Variants in DNAH9 observed in about 807,000 individuals in gnomAD.
DNAH9 encodes DNAH9 variant protein.
In DNAH9, 345 loss-of-function variants were observed where a neutral mutation model predicts 471.6. The observed-to-expected ratio is 0.73, with a 90% confidence interval of 0.67 to 0.80. The LOEUF (loss-of-function observed/expected upper bound fraction) is 0.80, where lower values mean the gene tolerates loss of function less well. Among genes scored for constraint, DNAH9 ranks in the 30% least tolerant of loss-of-function variants. The probability of loss-of-function intolerance (pLI) is 0.00; values close to 1 mark genes in which losing one functional copy is unlikely to be tolerated. For synonymous variants in DNAH9, 2,093 were observed against 2,123.6 expected, an observed-to-expected ratio of 0.99 and a Z score of 0.40; for missense variants, 5,407 against 5,609.2, an observed-to-expected ratio of 0.96 and a Z score of 1.15.
In DNAH9 at chr17:11,738,871, G is replaced by A. The variant is rs2075392679; in HGVS notation, c.5815-9G>A. 2 of 1,613,424 alleles carry A rather than the reference G, an allele frequency of 1.2e-6. No homozygotes were observed. Among genetic ancestry groups the A allele is most frequent in the East Asian group, 4.5e-5 (2 of 44,862 alleles). ...TGAGGAATTTCTCGCTGATTGATTG[G>A]TTCACCAGGTAAAAAGCATTCAAGA... On this transcript the variant is annotated splice_polypyrimidine_tract_variant and intron_variant, in intron 28 of 68. Coordinates refer to ENST00000262442, the MANE Select transcript of DNAH9 (RefSeq NM_001372.4).
intron 20 of DNAH9, among the ~76,000 whole-genome samples, chr17:11,692,582 G>A (rs2150756106): frequency 6.6e-6 from 1 of 152,266 alleles, no homozygotes; most frequent in East Asian, 1.9e-4. Context: ...TACGAATCAA[G>A]TGTTGTATAC....
At chr17:11,607,850 A>G (rs1189640692) in intron 1 of DNAH9, among the ~76,000 whole-genome samples, 1 of 152,160 alleles carries the variant, frequency 6.6e-6, no homozygotes. Context: ...GATTACAGGC[A>G]TGAACCACCG....
chr17:11,902,228 T>G (rs1597806248), intron 59 of DNAH9, among the ~76,000 whole-genome samples: 2 of 152,230 alleles, frequency 1.3e-5, no homozygotes, highest in East Asian at 3.9e-4. Flanking sequence ...ACATTTGGAC[T>G]GAATCCTCAT....
At chr17:11,653,315 T>C (rs532008714) in intron 14 of DNAH9, among the ~76,000 whole-genome samples, 1 of 152,322 alleles carries the variant, frequency 6.6e-6, no homozygotes, top group African/African-American at 2.4e-5. Flanking sequence ...AATTATCCAC[T>C]GCAGTAACCA....
At chr17:11,945,012 A>G (rs1975060997) in intron 67 of DNAH9, among the ~76,000 whole-genome samples, 1 of 152,202 alleles carries the variant, frequency 6.6e-6, no homozygotes, top group South Asian at 2.1e-4. Flanking sequence ...AAAAGAGGCA[A>G]AACAGGTGAC....
At chr17:11,946,973 T>C (rs1014579043) in intron 67 of DNAH9, among the ~76,000 whole-genome samples, 3 of 152,202 alleles carry the variant, frequency 2.0e-5, no homozygotes, top group Non-Finnish European at 4.4e-5. Flanking sequence ...CCATACTTCA[T>C]ATTTGGCTGG....
intron 49 of DNAH9, among the ~76,000 whole-genome samples, chr17:11,851,870 TGTAC>T (rs1170986461): frequency 6.6e-6 from 1 of 152,216 alleles, no homozygotes; most frequent in Admixed American, 6.5e-5. Flanking sequence ...GAGGAGTTAC[TGTAC>T]GTGGAAACAT....
chr17:11,807,415 C>T (rs914975859), intron 43 of DNAH9, among the ~76,000 whole-genome samples: 12 of 152,102 alleles, frequency 7.9e-5, no homozygotes, highest in African/African-American at 2.7e-4. Flanking sequence ...AGTTATGGTG[C>T]GGAGAAGAGC....
At position 11,704,431 on chromosome 17, in the gene DNAH9, A is replaced by T. The variant is rs746709268; in HGVS notation, c.5380A>T (p.Ile1794Phe). Reference sequence around the variant, plus strand: ...TGCCCGGGATGTGGTAGCCAAGATGATTGCTCAGAAGGTGGGTCCCAAACA... The same window carrying T: ...TGCCCGGGATGTGGTAGCCAAGATGTTTGCTCAGAAGGTGGGTCCCAAACA... ...VHARDVVAKM[I>F]AQKVDNAQAF... is the part of the protein sequence containing the mutation. Residue 1794 changes from isoleucine to phenylalanine, a missense_variant, in exon 25 of 69, where the codon ATT (isoleucine) becomes TTT (phenylalanine). By Grantham distance (21) the Ile-to-Phe change is conservative. Coordinates refer to ENST00000262442, the MANE Select transcript of DNAH9 (RefSeq NM_001372.4). The T allele has an allele frequency of 1.5e-5, 25 of 1,613,030 alleles. No homozygotes were observed. Among genetic ancestry groups the T allele is most frequent in the South Asian group, 3.3e-5 (3 of 91,022 alleles).
chr17:11,890,833 G>A (rs557444177), intron 57 of DNAH9, among the ~76,000 whole-genome samples: 1 of 152,190 alleles, frequency 6.6e-6, no homozygotes, highest in African/African-American at 2.4e-5. Flanking sequence ...AGAACTACAG[G>A]TGTGTGTCAC....
At chr17:11,706,488 C>T (rs1191820955) in intron 26 of DNAH9, among the ~76,000 whole-genome samples, 2 of 151,908 alleles carry the variant, frequency 1.3e-5, no homozygotes, top group African/African-American at 2.4e-5. Flanking sequence ...AAGTACAAGG[C>T]CATAGTATAA....
In DNAH9 at chr17:11,854,113, G is replaced by T. The variant is rs149615491; in HGVS notation, c.9618G>T (p.Arg3206=). ...CCAGGGGTAGGGTGCCCAAGGACCG[G>T]AGCTGGAAGGCTGCTAAGGTCACCA... ...MAPRGRVPKD[R]SWKAAKVTMA... Residue 3206 remains arginine, a synonymous_variant, in exon 50 of 69, where the codon CGG becomes CGT. Coordinates refer to ENST00000262442, the MANE Select transcript of DNAH9 (RefSeq NM_001372.4). 4 of 1,614,052 alleles carry T rather than the reference G, an allele frequency of 2.5e-6. No individual in the cohort carries two copies. The highest frequency in any genetic ancestry group is 3.4e-6 in the Non-Finnish European group (4 of 1,180,036).
chr17:11,648,229 A>G (rs188679853), intron 12 of DNAH9, among the ~76,000 whole-genome samples: 88 of 152,338 alleles, frequency 5.8e-4, no homozygotes, highest in Middle Eastern at 6.8e-3. Context: ...CCAAGCTGAT[A>G]GCATATTGGT....
intron 19 of DNAH9, among the ~76,000 whole-genome samples, chr17:11,684,627 G>A (rs1333335930): frequency 6.6e-6 from 1 of 152,112 alleles, no homozygotes; most frequent in East Asian, 1.9e-4. Context: ...CAAGGTAATC[G>A]AGGGATTACT....
At chr17:11,708,166 A>C (rs1218453984) in intron 26 of DNAH9, among the ~76,000 whole-genome samples, 1 of 152,190 alleles carries the variant, frequency 6.6e-6, no homozygotes, top group African/African-American at 2.4e-5. Context: ...AACCTCTAGC[A>C]ATCAAGAACC....
chr17:11,871,716 GCTT>G lies in DNAH9; in HGVS notation c.10177_10179del (p.Phe3393del), dbSNP rs1346945579. 2 of 1,614,098 alleles carry G rather than the reference GCTT, an allele frequency of 1.2e-6. No homozygotes were observed. The highest frequency in any genetic ancestry group is 2.7e-5 in the African/African-American group (2 of 74,918). ...ATAACGGCTTTCATTTCCTACCTTG[GCTT>G]CTTCACAAAGAAATACCGGCAGAGC... On this transcript the variant is annotated inframe_deletion, in exon 52 of 69. Coordinates refer to ENST00000262442, the MANE Select transcript of DNAH9 (RefSeq NM_001372.4).
intron 19 of DNAH9, 94 bp from the exon 20 acceptor site, chr17:11,689,472 G>T (rs2074295943): frequency 4.7e-6 from 5 of 1,052,762 alleles, no homozygotes; most frequent in African/African-American, 1.6e-5. Flanking sequence ...AAAACACCAA[G>T]CATTTAAATA....
At chr17:11,685,673 A>G (rs576069620) in intron 19 of DNAH9, among the ~76,000 whole-genome samples, 1 of 152,230 alleles carries the variant, frequency 6.6e-6, no homozygotes, top group Admixed American at 6.5e-5. Context: ...GAGGAGAAGG[A>G]GAGTGTAAGG....
At chr17:11,907,460 A>G (rs958863954) in intron 61 of DNAH9, among the ~76,000 whole-genome samples, 1 of 140,930 alleles carries the variant, frequency 7.1e-6, no homozygotes, top group African/African-American at 3.1e-5. Flanking sequence ...ACAAGAGTGA[A>G]AAAAAAAAAA....
Sources: allele counts gnomAD v4.1 joint callset (sites outside exome capture counted in the v4.1 genomes callset), GRCh38; gene constraint gnomAD v4.1.1; transcripts MANE v1.5; gene names NCBI Gene and HGNC (gene_info 2026-07-23, HGNC 2026-07-21).